The following RFC3 variants were observed in gnomAD, a reference collection of about 807,000 sequenced individuals.
RFC3 encodes A1 38 kDa subunit.
A neutral mutation model predicts 45.1 loss-of-function variants in RFC3; 41 were observed. That is an observed-to-expected ratio of 0.91 (90% CI 0.71 to 1.18). The LOEUF is 1.18. Ranked by LOEUF, RFC3 falls within the 50% of genes most tolerant of loss-of-function variation. The pLI is 0.00. For synonymous variants in RFC3, 149 were observed against 144.0 expected, an observed-to-expected ratio of 1.03 and a Z score of -0.25; for missense variants, 423 against 428.1, an observed-to-expected ratio of 0.99 and a Z score of 0.10.
chr13:33,939,015 T>A (rs1336576211), intron 8 of RFC3, among the ~76,000 whole-genome samples: 4 of 152,140 alleles, frequency 2.6e-5, no homozygotes, highest in Non-Finnish European at 5.9e-5. Context: ...TAATGATGAT[T>A]AATAAAATTG....
chr13:33,943,276 G>T (rs1333994909), intron 8 of RFC3, among the ~76,000 whole-genome samples: 2 of 151,994 alleles, frequency 1.3e-5, no homozygotes, highest in African/African-American at 4.8e-5. Context: ...TCATAACACG[G>T]CATAAGGTAT....
At chr13:33,937,894 T>C (rs2082897229) in intron 8 of RFC3, among the ~76,000 whole-genome samples, 1 of 152,138 alleles carries the variant, frequency 6.6e-6, no homozygotes, top group Non-Finnish European at 1.5e-5. Flanking sequence ...GTGGAGTATC[T>C]GGCTCTCCTA....
At chr13:33,835,338 C>T (rs1297831513) in intron 8 of RFC3, 121 bp downstream of exon 8, 5 of 756,448 alleles carry the variant, frequency 6.6e-6, no homozygotes, top group African/African-American at 3.4e-5. Flanking sequence ...ATTAATTGCA[C>T]GTATTTACTG....
At chr13:33,841,087 A>G (rs1471618614), downstream of RFC3, among the ~76,000 whole-genome samples, 2 of 152,180 alleles carry the variant, frequency 1.3e-5, no homozygotes, top group Non-Finnish European at 2.9e-5. Flanking sequence ...CAACAGCATT[A>G]GATTCTCATA....
downstream of RFC3, among the ~76,000 whole-genome samples, chr13:33,839,974 GAT>G (rs1308029684): frequency 1.3e-5 from 2 of 152,156 alleles, no homozygotes; most frequent in Non-Finnish European, 2.9e-5. Context: ...TCTGAAGAGA[GAT>G]ATGTAGTCAT....
intron 8 of RFC3, among the ~76,000 whole-genome samples, chr13:33,866,421 G>A (rs985048065): frequency 2.0e-5 from 3 of 152,250 alleles, no homozygotes; most frequent in African/African-American, 7.2e-5. Flanking sequence ...CAGTTTGGAG[G>A]TGGATAATTG....
At chr13:33,836,061 GT>G in intron 8 of RFC3, 42 bp from the exon 9 acceptor site, 1 of 1,567,950 alleles carries the variant, frequency 6.4e-7, no homozygotes, top group Non-Finnish European at 8.7e-7. Flanking sequence ...ATGCTTAGCT[GT>G]TTTTATTAAT....
chr13:33,847,685 T>C (rs1374713369), intron 8 of RFC3: 1 of 152,202 alleles, frequency 6.6e-6, no homozygotes, highest in Non-Finnish European at 1.5e-5. Context: ...ATTGCCTACA[T>C]TTTCTTAGTT....
At chr13:33,826,665 TGA>T (rs2082051896) in intron 4 of RFC3, among the ~76,000 whole-genome samples, 1 of 149,644 alleles carries the variant, frequency 6.7e-6, no homozygotes, top group African/African-American at 2.5e-5. Context: ...TTTATATATG[TGA>T]GTTACTAACA....
chr13:33,830,075 A>G, intron 5 of RFC3, 58 bp downstream of exon 5: 2 of 1,436,404 alleles, frequency 1.4e-6, no homozygotes, highest in Admixed American at 3.7e-5. Flanking sequence ...TGAATATTGT[A>G]TGCTTGTTGT....
intron 8 of RFC3, among the ~76,000 whole-genome samples, chr13:33,856,571 G>A (rs1305981763): frequency 6.6e-6 from 1 of 152,112 alleles, no homozygotes; most frequent in Non-Finnish European, 1.5e-5. Flanking sequence ...TTTTTCCACT[G>A]GGCTTAAGTA....
intron 8 of RFC3, among the ~76,000 whole-genome samples, chr13:33,938,014 C>G (rs574038775): frequency 6.6e-6 from 1 of 151,958 alleles, no homozygotes. Flanking sequence ...AAGAGAAGCA[C>G]GCCATGGGCT....
chr13:33,844,852 A>G (rs544106330), intron 8 of RFC3, among the ~76,000 whole-genome samples: 10 of 152,282 alleles, frequency 6.6e-5, no homozygotes, highest in East Asian at 1.9e-4. Flanking sequence ...ATGTTTGTCT[A>G]TGTACTTACT....
At chr13:33,934,453 G>T (rs545012296) in intron 8 of RFC3, among the ~76,000 whole-genome samples, 1 of 152,144 alleles carries the variant, frequency 6.6e-6, no homozygotes, top group African/African-American at 2.4e-5. Context: ...GAAATGCTTA[G>T]AGGGCTTTCC....
At position 33,948,115 on chromosome 13, in the gene RFC3, A is replaced by G. The variant is rs576820436; in HGVS notation, c.880-17972A>G. Among the ~76,000 whole-genome samples, 7 of 152,248 alleles carry G rather than the reference A, an allele frequency of 4.6e-5. No individual in the cohort carries two copies. In the South Asian group the frequency reaches 1.5e-3, roughly 32 times the overall value. Reference sequence around the variant, plus strand: ...TTCATGGCAGCCCCTTCCATCACAGACCGAGACCTAAGAGGTAAAAATGGT... The same window carrying G: ...TTCATGGCAGCCCCTTCCATCACAGGCCGAGACCTAAGAGGTAAAAATGGT... On this transcript the variant is annotated intron_variant, in intron 8 of 8. Transcript: ENST00000434425.
chr13:33,824,097 A>G (rs2082027958), intron 3 of RFC3, 113 bp downstream of exon 3: 13 of 570,448 alleles, frequency 2.3e-5, no homozygotes, highest in Non-Finnish European at 3.1e-5. Context: ...GTGGAAGCAC[A>G]GTTTATAAAA....
chr13:33,893,525 A>G (rs1171775316), intron 8 of RFC3, among the ~76,000 whole-genome samples: 1 of 152,136 alleles, frequency 6.6e-6, no homozygotes, highest in East Asian at 1.9e-4. Flanking sequence ...CAATAGACAG[A>G]ATAAGGAACC....
intron 8 of RFC3, among the ~76,000 whole-genome samples, chr13:33,891,614 A>G (rs913512104): frequency 6.6e-6 from 1 of 152,210 alleles, no homozygotes; most frequent in Non-Finnish European, 1.5e-5. Context: ...TCTTAATTGC[A>G]TCAAATCTTG....
intron 8 of RFC3, among the ~76,000 whole-genome samples, chr13:33,958,289 T>C (rs1237265259): frequency 1.3e-5 from 2 of 152,180 alleles, no homozygotes; most frequent in African/African-American, 4.8e-5. Context: ...CCAGGCCGTT[T>C]GGAGTGTAAT....
Sources: gnomAD v4.1 joint callset for allele counts (sites outside exome capture counted in the v4.1 genomes callset) on GRCh38, gnomAD v4.1.1 for gene constraint, MANE v1.5 for transcripts, NCBI Gene and HGNC (gene_info 2026-07-23, HGNC 2026-07-21) for gene names.